RMI2: variants seen among roughly 807,000 people sequenced by gnomAD.
The protein encoded by RMI2 is RecQ mediated genome instability 2.
Under a neutral mutation model 8.4 loss-of-function variants are expected in RMI2, and 11 were observed. The ratio of observed to expected loss-of-function variants is 1.32; its 90% CI spans 0.83 to 2.18. The LOEUF is 2.18. RMI2 is among the 30% of genes most tolerant of loss of function. The pLI is 0.00. For missense variants in RMI2, 253 were observed against 207.5 expected (o/e 1.22, Z -1.35); for synonymous variants, 105 against 93.8 (o/e 1.12, Z -0.69).
rs757077814 is a variant in RMI2, at chr16:11,350,640, A to G, written c.296-2A>G. On this transcript the variant is annotated splice_acceptor_variant, in intron 1 of 1. Coordinates refer to ENST00000312499, the MANE Select transcript of RMI2 (RefSeq NM_152308.3). LOFTEE classifies it high-confidence loss of function. Reference sequence around the variant, plus strand: ...TACTATGGGCTTTTCTTCTTTTTCTAGGAAAGTATGTGATGGTGATGGGAG... The same window carrying G: ...TACTATGGGCTTTTCTTCTTTTTCTGGGAAAGTATGTGATGGTGATGGGAG... 4.5e-6 allele frequency: 7 copies of G among 1,547,556 alleles called. No homozygotes were observed. The highest frequency in any genetic ancestry group is 1.7e-4 in the Middle Eastern group (1 of 5,754).
At chr16:11,350,505 A>T in intron 1 of RMI2, 137 bp from the exon 2 acceptor site, 1 of 632,686 alleles carries the variant, frequency 1.6e-6, no homozygotes, top group Non-Finnish European at 2.6e-6. Context: ...CACAAGAATC[A>T]CTTAAACTCA....
At chr16:11,346,502 C>G (rs1007185966) in intron 1 of RMI2, among the ~76,000 whole-genome samples, 2 of 152,154 alleles carry the variant, frequency 1.3e-5, no homozygotes, top group Admixed American at 6.5e-5. Flanking sequence ...CTCAAGTGAT[C>G]TGCTCATCTC....
chr16:11,345,532 C>G lies in RMI2; in HGVS notation c.61C>G (p.Pro21Ala). ...GPAGVRLPRS[P>A]PLKVLAEQLR... The stretch of plus-strand genomic sequence containing the variant: ...CGCGGGGGTGCGGCTTCCGAGGTCG[C>G]CGCCACTCAAGGTGCTGGCGGAGCA... Residue 21 changes from proline (P) to alanine (A), a missense_variant, in exon 1 of 2, where the codon CCG (proline) becomes GCG (alanine). Coordinates refer to ENST00000312499, the MANE Select transcript of RMI2 (RefSeq NM_152308.3). 1.6e-6 allele frequency: 2 copies of G among 1,287,332 alleles called. No homozygotes were observed. Among genetic ancestry groups the G allele is most frequent in the Middle Eastern group, 2.9e-4 (1 of 3,448 alleles). The allele number at this position is 1,287,332 out of a possible 1,614,324, so 79.7% of individuals were successfully genotyped here. A position where few individuals can be genotyped will look rare whatever the true frequency, so the allele number is the denominator to read the frequency against.
intron 1 of RMI2, among the ~76,000 whole-genome samples, chr16:11,346,851 G>A (rs2070880364): frequency 6.6e-6 from 1 of 152,196 alleles, no homozygotes; most frequent in African/African-American, 2.4e-5. Context: ...CAGCCTCCTT[G>A]GGTAGCTGGG....
At chr16:11,348,411 A>G (rs563084547) in intron 1 of RMI2, 16 of 152,290 alleles carry the variant, frequency 1.1e-4, no homozygotes, top group Non-Finnish European at 2.2e-4. Context: ...CAGCCCTGGC[A>G]TAAGCCTGGC....
chr16:11,348,333 C>G (rs1218612351), intron 1 of RMI2: 1 of 152,278 alleles, frequency 6.6e-6, no homozygotes. Flanking sequence ...GTAACCCATG[C>G]TGCTTGGTGT....
chr16:11,345,877 C>T (rs1352545324), intron 1 of RMI2, 111 bp downstream of exon 1: 2 of 873,238 alleles, frequency 2.3e-6, no homozygotes, highest in African/African-American at 3.5e-5. Flanking sequence ...GCGGGTCTGG[C>T]CCTCCTCCGG....
chr16:11,345,529 T>TG lies in RMI2; in HGVS notation c.58_59insG (p.Ser20CysfsTer95). On this transcript the variant is annotated frameshift_variant, in exon 1 of 2. Coordinates refer to ENST00000312499, the MANE Select transcript of RMI2 (RefSeq NM_152308.3). LOFTEE classifies it high-confidence loss of function. Reference sequence around the variant, plus strand: ...CCCCGCGGGGGTGCGGCTTCCGAGGTCGCCGCCACTCAAGGTGCTGGCGGA... The same window carrying TG: ...CCCCGCGGGGGTGCGGCTTCCGAGGTGCGCCGCCACTCAAGGTGCTGGCGGA... 7.8e-7 allele frequency: 1 copy of TG among 1,287,338 alleles called. No homozygotes were observed. The highest frequency in any genetic ancestry group is 9.9e-7 in the Non-Finnish European group (1 of 1,014,238). The allele number at this position is 1,287,338 out of a possible 1,614,324, so 79.7% of individuals were successfully genotyped here.
At chr16:11,346,067 C>T (rs1308269212) in intron 1 of RMI2, among the ~76,000 whole-genome samples, 2 of 152,214 alleles carry the variant, frequency 1.3e-5, no homozygotes, top group Admixed American at 6.5e-5. Flanking sequence ...TCACAAGCCC[C>T]CTCTCCCAGT....
intron 1 of RMI2, chr16:11,348,374 A>G (rs2070912898): frequency 6.6e-6 from 1 of 152,258 alleles, no homozygotes; most frequent in South Asian, 2.1e-4. Context: ...CCTTGCAGGC[A>G]GGCTGGGGCA....
rs936843259 is a variant in RMI2, at chr16:11,351,260, A to G, written c.*470A>G. 4.3e-6 allele frequency: 1 copy of G among 233,260 alleles called. No homozygotes were observed. Among genetic ancestry groups the G allele is most frequent in the African/African-American group, 2.2e-5 (1 of 45,328 alleles). The allele number at this position is 233,260 out of a possible 1,614,324, so 14.4% of individuals were successfully genotyped here. The stretch of plus-strand genomic sequence containing the variant: ...AAAAGGAATGACATCCTGGCTCCTC[A>G]TCTTCTTCATCAGCAACTACCATAA... On this transcript the variant is annotated 3_prime_UTR_variant, in exon 2 of 2. Coordinates refer to ENST00000312499, the MANE Select transcript of RMI2 (RefSeq NM_152308.3).
rs1389439794 is a variant in RMI2, at chr16:11,345,612, G to GGCGGGCC, written c.151_157dup (p.Leu53ArgfsTer64). On this transcript the variant is annotated frameshift_variant, in exon 1 of 2. Transcript: ENST00000312499. LOFTEE classifies it high-confidence loss of function. ...GCGCGTGGCGGCTGTCACGGGCGGC[G>GGCGGGCC]GCGGGCCGCGGGCCGCTGGACCTGG... is the stretch of plus-strand genomic sequence containing the variant. The GGCGGGCC allele has an allele frequency of 8.1e-6, 10 of 1,227,192 alleles. No homozygotes were observed. Among genetic ancestry groups the GGCGGGCC allele is most frequent in the African/African-American group, 4.7e-5 (3 of 64,044 alleles). 76.0% of individuals were successfully genotyped at this position (1,227,192 alleles called of 1,614,324 possible).
At position 11,347,895 on chromosome 16, in the gene RMI2, C is replaced by G. The variant is rs1460006435; in HGVS notation, c.295+2129C>G. On this transcript the variant is annotated intron_variant, in intron 1 of 1. Coordinates refer to ENST00000312499, the MANE Select transcript of RMI2 (RefSeq NM_152308.3). ...TCCTGGGTTCAAGCGATTCTCATGC[C>G]TCAGCCTCCCGAGTAGCTGGGATTA... Among the ~76,000 whole-genome samples, 4 of 152,308 alleles carry G rather than the reference C, an allele frequency of 2.6e-5. 1 individual carries two copies. Among genetic ancestry groups the G allele is most frequent in the Non-Finnish European group, 2.9e-5 (2 of 68,030 alleles).
intron 1 of RMI2, among the ~76,000 whole-genome samples, chr16:11,346,270 T>G (rs2070868301): frequency 1.5e-5 from 2 of 137,774 alleles, no homozygotes. Context: ...TTTTTTTTTT[T>G]TTTTTTTGAG....
chr16:11,346,586 C>T (rs959646204), intron 1 of RMI2, among the ~76,000 whole-genome samples: 3 of 152,092 alleles, frequency 2.0e-5, no homozygotes, highest in African/African-American at 4.8e-5. Flanking sequence ...ACCACTGATG[C>T]TCAAACTTGA....
chr16:11,345,530 C>G lies in RMI2; in HGVS notation c.59C>G (p.Ser20Trp). The G allele has an allele frequency of 7.8e-7, 1 of 1,287,606 alleles. No homozygotes were observed. 79.8% of individuals were successfully genotyped at this position (1,287,606 alleles called of 1,614,324 possible). ...CCCGCGGGGGTGCGGCTTCCGAGGT[C>G]GCCGCCACTCAAGGTGCTGGCGGAG... ...GGPAGVRLPRSPPLKVLAEQL... is the reference protein window; with the variant it reads ...GGPAGVRLPRWPPLKVLAEQL... Residue 20 changes from serine (S) to tryptophan (W), a missense_variant, in exon 1 of 2, where the codon TCG (serine) becomes TGG (tryptophan). Transcript: ENST00000312499.
At chr16:11,348,392 A>C (rs1034551938) in intron 1 of RMI2, 1 of 152,254 alleles carries the variant, frequency 6.6e-6, no homozygotes, top group Non-Finnish European at 1.5e-5. Flanking sequence ...GCAGTCTCCT[A>C]TCTGGTCTCA....
intron 1 of RMI2, among the ~76,000 whole-genome samples, chr16:11,347,487 T>C (rs553560942): frequency 7.9e-5 from 12 of 152,342 alleles, no homozygotes; most frequent in African/African-American, 2.9e-4. Flanking sequence ...CTTGTTAACT[T>C]TTCTGGACTT....
intron 1 of RMI2, among the ~76,000 whole-genome samples, chr16:11,347,624 C>T (rs1244761510): frequency 6.6e-6 from 1 of 152,186 alleles, no homozygotes; most frequent in East Asian, 1.9e-4. Flanking sequence ...TTTACTGCCA[C>T]ATGCTCCTGT....
Sources: gnomAD v4.1 joint callset for allele counts (sites outside exome capture counted in the v4.1 genomes callset) on GRCh38, gnomAD v4.1.1 for gene constraint, MANE v1.5 for transcripts, NCBI Gene and HGNC (gene_info 2026-07-23, HGNC 2026-07-21) for gene names.